Variants in CTTNBP2NL observed in about 807,000 individuals in gnomAD.
CTTNBP2NL encodes CTTNBP2 N-terminal like.
A neutral mutation model predicts 32.5 loss-of-function variants in CTTNBP2NL; 16 were observed. That is an observed-to-expected ratio of 0.49 (90% confidence interval 0.33 to 0.75). CTTNBP2NL has a LOEUF of 0.75. Ranked by LOEUF, CTTNBP2NL falls within the 30% of genes least tolerant of loss-of-function variation. CTTNBP2NL has a pLI of 0.02. For synonymous variants in CTTNBP2NL, 298 were observed against 289.4 expected (o/e 1.03, Z -0.30); for missense variants, 645 against 756.0 (o/e 0.85, Z 1.72).
intron 1 of CTTNBP2NL, among the ~76,000 whole-genome samples, chr1:112,399,824 G>A (rs868244001): frequency 1.3e-5 from 2 of 151,978 alleles, no homozygotes; most frequent in African/African-American, 2.4e-5. Flanking sequence ...ATCCCAGCAC[G>A]TTGGGACATT....
At chr1:112,398,351 G>A (rs1406593693) in intron 1 of CTTNBP2NL, among the ~76,000 whole-genome samples, 1 of 152,170 alleles carries the variant, frequency 6.6e-6, no homozygotes, top group Non-Finnish European at 1.5e-5. Flanking sequence ...GCAGAGGATA[G>A]ATGTCTGATC....
At chr1:112,411,229 C>T (rs1033942931) in intron 1 of CTTNBP2NL, among the ~76,000 whole-genome samples, 1 of 152,150 alleles carries the variant, frequency 6.6e-6, no homozygotes, top group Non-Finnish European at 1.5e-5. Flanking sequence ...AGCATTATTT[C>T]TTCCTTTGAC....
At chr1:112,402,048 C>T (rs953204654) in intron 1 of CTTNBP2NL, among the ~76,000 whole-genome samples, 2 of 152,126 alleles carry the variant, frequency 1.3e-5, no homozygotes, top group African/African-American at 2.4e-5. Flanking sequence ...GGAGCATCTG[C>T]GTAGATTCTT....
chr1:112,410,870 C>G (rs1483985760), intron 1 of CTTNBP2NL, among the ~76,000 whole-genome samples: 2 of 152,176 alleles, frequency 1.3e-5, no homozygotes, highest in East Asian at 3.8e-4. Context: ...TTGAACTGAT[C>G]TTGTCCTTCA....
chr1:112,455,959 A>G lies in CTTNBP2NL; in HGVS notation c.467A>G (p.Lys156Arg), dbSNP rs2101035667. Residue 156 changes from lysine to arginine, a missense_variant, in exon 6 of 6, where the codon AAG (lysine) becomes AGG (arginine). Coordinates refer to ENST00000271277, the MANE Select transcript of CTTNBP2NL (RefSeq NM_018704.3). ...GAATTTGAAAAATCCCAAGTGAAAAAGTTTGAAAAAGAACAGAAGAAGCTC... is the reference window on the plus strand; with the variant it reads ...GAATTTGAAAAATCCCAAGTGAAAAGGTTTGAAAAAGAACAGAAGAAGCTC... ...QLEFEKSQVK[K>R]FEKEQKKLSS... The G allele has an allele frequency of 1.3e-6, 2 of 1,579,864 alleles. No individual in the cohort carries two copies. The highest frequency in any genetic ancestry group is 2.2e-5 in the East Asian group (1 of 44,638).
chr1:112,393,592 C>T (rs1042247721), upstream of CTTNBP2NL, among the ~76,000 whole-genome samples: 1 of 152,164 alleles, frequency 6.6e-6, no homozygotes, highest in Non-Finnish European at 1.5e-5. Flanking sequence ...AATCACAAAC[C>T]TCCATAACTC....
intron 1 of CTTNBP2NL, among the ~76,000 whole-genome samples, chr1:112,411,594 G>A (rs181928701): frequency 1.3e-5 from 2 of 152,090 alleles, no homozygotes; most frequent in Non-Finnish European, 2.9e-5. Context: ...CTAAGAGGCT[G>A]ATTTGTTTGT....
At position 112,460,937 on chromosome 1, in the gene CTTNBP2NL, CT is replaced by C. The variant is rs1650535486; in HGVS notation, c.*3527del. 1 of 151,996 alleles carries C rather than the reference CT, an allele frequency of 6.6e-6. No homozygotes were observed. The highest frequency in any genetic ancestry group is 6.6e-5 in the Admixed American group (1 of 15,254). 9.4% of individuals were successfully genotyped at this position (151,996 alleles called of 1,614,324 possible). A position where few individuals can be genotyped will look rare whatever the true frequency, so the allele number is the denominator to read the frequency against. On this transcript the variant is annotated 3_prime_UTR_variant, in exon 6 of 6. Transcript: ENST00000271277. Reference sequence around the variant, plus strand: ...TGTGTGTGTGAATTCATAAGGAGTGCTTCTGATGCTTAGTCCTTGAAATGGA... The same window carrying C: ...TGTGTGTGTGAATTCATAAGGAGTGCTCTGATGCTTAGTCCTTGAAATGGA...
intron 4 of CTTNBP2NL, among the ~76,000 whole-genome samples, chr1:112,450,363 A>T (rs1165337815): frequency 2.6e-5 from 4 of 152,200 alleles, no homozygotes; most frequent in Non-Finnish European, 5.9e-5. Context: ...CATAGCTTTA[A>T]TCAGATTCTC....
At chr1:112,436,862 G>T (rs1222126507) in intron 3 of CTTNBP2NL, among the ~76,000 whole-genome samples, 1 of 152,034 alleles carries the variant, frequency 6.6e-6, no homozygotes, top group Non-Finnish European at 1.5e-5. Context: ...ATGTCCATGT[G>T]TTCTTATCAT....
At position 112,416,256 on chromosome 1, in the gene CTTNBP2NL, G is replaced by A. The variant is rs1200191120; in HGVS notation, c.91G>A (p.Ala31Thr). The A allele has an allele frequency of 2.0e-6, 3 of 1,518,102 alleles. No homozygotes were observed. Among genetic ancestry groups the A allele is most frequent in the African/African-American group, 1.4e-5 (1 of 71,074 alleles). 94.0% of individuals were successfully genotyped at this position (1,518,102 alleles called of 1,614,324 possible). The part of the protein sequence containing the change: ...ELEARDLVIE[A>T]LKAQHRDTFI... ...TGAAGCAAGGGACCTTGTTATAGAA[G>A]CCTTAAAGGTATGTTAAAAGAAAAA... Residue 31 changes from alanine to threonine, a missense_variant, in exon 3 of 6, where the codon GCC becomes ACC. By Grantham distance (58) the Ala-to-Thr change is moderately conservative. Transcript: ENST00000271277.
chr1:112,407,654 T>C (rs754376162), intron 1 of CTTNBP2NL, among the ~76,000 whole-genome samples: 2 of 152,188 alleles, frequency 1.3e-5, no homozygotes, highest in Non-Finnish European at 2.9e-5. Context: ...GCCTGTGTTA[T>C]GTGTATTTAA....
intron 3 of CTTNBP2NL, among the ~76,000 whole-genome samples, chr1:112,438,886 C>T (rs1265827429): frequency 6.6e-6 from 1 of 152,140 alleles, no homozygotes; most frequent in Non-Finnish European, 1.5e-5. Context: ...TGATAGCCCA[C>T]CTTTTACTTT....
At chr1:112,435,434 A>T (rs1570735567) in intron 3 of CTTNBP2NL, among the ~76,000 whole-genome samples, 1 of 152,164 alleles carries the variant, frequency 6.6e-6, no homozygotes, top group Non-Finnish European at 1.5e-5. Flanking sequence ...AGTATTTGTC[A>T]TACAGGAGAA....
intron 3 of CTTNBP2NL, among the ~76,000 whole-genome samples, chr1:112,438,194 T>G (rs1649791583): frequency 6.6e-6 from 1 of 152,204 alleles, no homozygotes. Flanking sequence ...TGTTTTTCCA[T>G]TTGTTTGTGT....
At chr1:112,411,653 T>C (rs566174234) in intron 1 of CTTNBP2NL, among the ~76,000 whole-genome samples, 38 of 151,750 alleles carry the variant, frequency 2.5e-4, no homozygotes, top group African/African-American at 8.9e-4. Context: ...TTATATGAAT[T>C]TGGCAGTTTA....
chr1:112,456,690 G>T lies in CTTNBP2NL; in HGVS notation c.1198G>T (p.Val400Phe). Residue 400 changes from valine (V) to phenylalanine (F), a missense_variant, in exon 6 of 6, where the codon GTC (valine) becomes TTC (phenylalanine). Transcript: ENST00000271277. ...GGCPVGIETP[V>F]PMPSPLSSSG... ...GTGTCCTGTGGGGATTGAGACTCCA[G>T]TCCCAATGCCCAGTCCCCTCTCTTC... 6.2e-7 allele frequency: 1 copy of T among 1,614,120 alleles called. No homozygotes were observed. The highest frequency in any genetic ancestry group is 2.2e-5 in the East Asian group (1 of 44,848).
intron 3 of CTTNBP2NL, among the ~76,000 whole-genome samples, chr1:112,435,053 G>A (rs908213593): frequency 3.5e-5 from 5 of 142,568 alleles, no homozygotes; most frequent in Non-Finnish European, 7.5e-5. Flanking sequence ...TGAGGCAGGA[G>A]AATCACTTGA....
rs115488869 is a variant in CTTNBP2NL, at chr1:112,444,398, C to T, written c.100-4544C>T. On this transcript the variant is annotated intron_variant, in intron 3 of 5. Transcript: ENST00000271277. ...GAAACTTTTGGAGAGCAAGTATGGC[C>T]GACTCTAAGAAGATTATGTGATTTG... 3.7e-3 allele frequency among the ~76,000 whole-genome samples: 556 copies of T among 152,180 alleles called. 3 individuals are homozygous for T. Among genetic ancestry groups the T allele is most frequent in the African/African-American group, 0.013 (532 of 41,506 alleles).
Sources: allele counts gnomAD v4.1 joint callset (sites outside exome capture counted in the v4.1 genomes callset), GRCh38; gene constraint gnomAD v4.1.1; transcripts MANE v1.5; gene names NCBI Gene and HGNC (gene_info 2026-07-23, HGNC 2026-07-21).